FZD6: variants seen among roughly 807,000 people sequenced by gnomAD.
FZD6 encodes the protein frizzled-6.
In FZD6, 49 loss-of-function variants were observed where a neutral mutation model predicts 61.4. That is an observed-to-expected ratio of 0.80 (90% CI 0.63 to 1.01). The LOEUF (loss-of-function observed/expected upper bound fraction) is 1.01. Among genes scored for constraint, FZD6 ranks in the 50% least tolerant of loss-of-function variants. The pLI, the probability that FZD6 is intolerant of heterozygous loss-of-function variation, is 0.00. For missense variants in FZD6, 724 were observed against 848.2 expected, an observed-to-expected ratio of 0.85 and a Z score of 1.82; for synonymous variants, 265 against 292.2, an observed-to-expected ratio of 0.91 and a Z score of 0.95.
intron 2 of FZD6, among the ~76,000 whole-genome samples, chr8:103,318,121 G>C (rs771806991): frequency 3.9e-5 from 6 of 152,200 alleles, no homozygotes; most frequent in Non-Finnish European, 7.4e-5. Context: ...ATAGAGAAGA[G>C]GTCTTGGGGA....
rs1814877480 is a variant in FZD6, at chr8:103,324,419, C to T, written c.375-62C>T. 18 of 884,562 alleles carry T rather than the reference C, an allele frequency of 2.0e-5. No homozygotes were observed. In the East Asian group the frequency reaches 4.8e-4, roughly 23 times the overall value. The allele number at this position is 884,562 out of a possible 1,614,324, so 54.8% of individuals were successfully genotyped here. On this transcript the variant is annotated intron_variant, in intron 3 of 6. Transcript: ENST00000358755. Reference sequence around the variant, plus strand: ...AATATTTTATAGTTGGAAAGCATTGCTTAATATATTGAATCAATAAAAATG... The same window carrying T: ...AATATTTTATAGTTGGAAAGCATTGTTTAATATATTGAATCAATAAAAATG...
At chr8:103,301,710 C>T (rs1814177050) in intron 2 of FZD6, among the ~76,000 whole-genome samples, 1 of 152,006 alleles carries the variant, frequency 6.6e-6, no homozygotes, top group African/African-American at 2.4e-5. Context: ...CCTGGCTGAC[C>T]ATTTTAAGTT....
chr8:103,325,537 T>C, intron 4 of FZD6, 39 bp downstream of exon 4: 2 of 1,441,574 alleles, frequency 1.4e-6, no homozygotes, highest in Non-Finnish European at 2.0e-6. Context: ...TATTTACATT[T>C]AATGTAGAAA....
chr8:103,311,872 A>G (rs1219065993), intron 2 of FZD6, among the ~76,000 whole-genome samples: 2 of 152,138 alleles, frequency 1.3e-5, no homozygotes, highest in Non-Finnish European at 2.9e-5. Context: ...CTGTCACTTT[A>G]CTGATGGATA....
At position 103,328,118 on chromosome 8, in the gene FZD6, C is replaced by A. The variant is rs184588194; in HGVS notation, c.1393-150C>A. On this transcript the variant is annotated intron_variant, in intron 4 of 6. Coordinates refer to ENST00000358755, the MANE Select transcript of FZD6 (RefSeq NM_003506.4). ...CAGCATTTAGATAAAAAATGTGTTG[C>A]ACTTAGAGCATGCTTCATTATATTA... The A allele has an allele frequency of 6.1e-5, 38 of 620,140 alleles. No individual in the cohort carries two copies. The Admixed American group carries it at 8.7e-4, about 14-fold the overall frequency. 38.4% of individuals were successfully genotyped at this position (620,140 alleles called of 1,614,324 possible).
intron 3 of FZD6, among the ~76,000 whole-genome samples, chr8:103,320,430 T>C (rs1407891891): frequency 2.6e-5 from 4 of 151,972 alleles, no homozygotes; most frequent in Non-Finnish European, 5.9e-5. Context: ...TTTTGTCAGA[T>C]GGATTCAGTG....
chr8:103,310,768 T>C (rs1201530992), intron 2 of FZD6, among the ~76,000 whole-genome samples: 10 of 152,222 alleles, frequency 6.6e-5, no homozygotes, highest in Non-Finnish European at 1.3e-4. Flanking sequence ...ATCATTCTAT[T>C]ATGTACAGAG....
intron 2 of FZD6, among the ~76,000 whole-genome samples, chr8:103,301,312 G>T (rs1339928342): frequency 1.3e-5 from 2 of 151,878 alleles, no homozygotes; most frequent in Admixed American, 1.3e-4. Flanking sequence ...ATCTTTCAGT[G>T]GTTTTTTTCA....
At chr8:103,307,714 G>T in intron 2 of FZD6, 1 of 426,608 alleles carries the variant, frequency 2.3e-6, no homozygotes, top group Non-Finnish European at 4.7e-6. Context: ...TGTGTTCTAA[G>T]GTGTGTTTTT....
intron 3 of FZD6, among the ~76,000 whole-genome samples, chr8:103,320,857 G>T (rs780923801): frequency 1.3e-5 from 2 of 152,122 alleles, no homozygotes; most frequent in Admixed American, 6.6e-5. Flanking sequence ...ACAGCAAAAG[G>T]AAAGGAGACA....
chr8:103,328,501 T>G, intron 5 of FZD6, 85 bp downstream of exon 5: 3 of 1,037,430 alleles, frequency 2.9e-6, no homozygotes, highest in Non-Finnish European at 4.4e-6. Context: ...TGTACTAGAG[T>G]TTCATTATAT....
intron 4 of FZD6, among the ~76,000 whole-genome samples, chr8:103,326,645 T>G (rs1208247797): frequency 6.6e-6 from 1 of 151,200 alleles, no homozygotes; most frequent in African/African-American, 2.4e-5. Context: ...TATAAAAGAT[T>G]GCTAAATTTG....
chr8:103,324,956 GT>G lies in FZD6; in HGVS notation c.854del (p.Leu285CysfsTer17). ...VLGSQNKACT[V>X]LFMLLYFFTM... ...AGGCTCTCAAAATAAGGCTTGCACC[GT>G]TTTGTTCATGCTTTTGTATTTTTTC... On this transcript the variant is annotated frameshift_variant, in exon 4 of 7. Transcript: ENST00000358755. LOFTEE classifies it high-confidence loss of function. 6.2e-7 allele frequency: 1 copy of G among 1,614,084 alleles called. No individual in the cohort carries two copies. The highest frequency in any genetic ancestry group is 8.5e-7 in the Non-Finnish European group (1 of 1,179,952).
rs922727017 is a variant in FZD6, at chr8:103,331,632, A to G, written c.*123A>G. 1.1e-5 allele frequency: 8 copies of G among 727,184 alleles called. No individual in the cohort carries two copies. Among genetic ancestry groups the G allele is most frequent in the African/African-American group, 5.2e-5 (3 of 57,560 alleles). The allele number at this position is 727,184 out of a possible 1,614,324, so 45.0% of individuals were successfully genotyped here. The stretch of plus-strand genomic sequence containing the variant: ...ACTTAAAGTTGCATTGCCTACTGTT[A>G]TACTGGAAAAAATAGAGTTCAAGAA... On this transcript the variant is annotated 3_prime_UTR_variant, in exon 7 of 7. Coordinates refer to ENST00000358755, the MANE Select transcript of FZD6 (RefSeq NM_003506.4).
At chr8:103,329,564 T>A in intron 5 of FZD6, 91 bp from the exon 6 acceptor site, 2 of 913,246 alleles carry the variant, frequency 2.2e-6, no homozygotes, top group South Asian at 1.6e-5. Flanking sequence ...ACTAAGGATT[T>A]TTGGCAAAAG....
chr8:103,308,051 A>G (rs1234193296), intron 2 of FZD6, among the ~76,000 whole-genome samples: 1 of 152,162 alleles, frequency 6.6e-6, no homozygotes, highest in African/African-American at 2.4e-5. Context: ...CTGGCAAATG[A>G]ACTACTCAGC....
intron 4 of FZD6, among the ~76,000 whole-genome samples, chr8:103,327,208 G>C (rs982517394): frequency 6.6e-6 from 1 of 152,162 alleles, no homozygotes; most frequent in South Asian, 2.1e-4. Flanking sequence ...AACATTATTT[G>C]CAAATGACAA....
At chr8:103,331,003 C>T (rs370418376) in intron 6 of FZD6, among the ~76,000 whole-genome samples, 5 of 152,116 alleles carry the variant, frequency 3.3e-5, no homozygotes, top group South Asian at 2.1e-4. Flanking sequence ...TGGTGAAACC[C>T]CATCTCTACT....
At position 103,324,906 on chromosome 8, in the gene FZD6, T is replaced by G; in HGVS notation, c.800T>G (p.Leu267Arg). Residue 267 changes from leucine to arginine, a missense_variant, in exon 4 of 7, where the codon CTA (leucine) becomes CGA (arginine). Transcript: ENST00000358755. ...STACNKADEKLELGDTVVLGS... is the reference protein window; with the variant it reads ...STACNKADEKRELGDTVVLGS... ...GCCTGCAATAAGGCAGATGAGAAGC[T>G]AGAACTTGGTGACACTGTTGTCCTA... The G allele has an allele frequency of 1.2e-6, 2 of 1,614,064 alleles. No homozygotes were observed. Among genetic ancestry groups the G allele is most frequent in the Middle Eastern group, 1.7e-4 (1 of 6,060 alleles).
Sources: gnomAD v4.1 joint callset for allele counts (sites outside exome capture counted in the v4.1 genomes callset) on GRCh38, gnomAD v4.1.1 for gene constraint, MANE v1.5 for transcripts, NCBI Gene and HGNC (gene_info 2026-07-23, HGNC 2026-07-21) for gene names.